Variants in SLC24A3 observed in about 807,000 individuals in gnomAD.
SLC24A3 encodes the protein solute carrier family 24 member 3.
SLC24A3 carries 28 observed loss-of-function variants against 75.8 expected under a neutral mutation model. The ratio of observed to expected loss-of-function variants is 0.37; its 90% CI spans 0.27 to 0.51. SLC24A3 has a LOEUF of 0.51. Ranked by LOEUF, SLC24A3 falls within the 20% of genes least tolerant of loss-of-function variation. SLC24A3 has a pLI of 0.94. For synonymous variants in SLC24A3, 372 were observed against 334.1 expected, an observed-to-expected ratio of 1.11 and a Z score of -1.24; for missense variants, 663 against 847.8, an observed-to-expected ratio of 0.78 and a Z score of 2.71.
intron 15 of SLC24A3, among the ~76,000 whole-genome samples, chr20:19,711,380 G>A (rs2328442): frequency 0.69 from 102,419 of 148,968 alleles, 35,095 homozygotes; most frequent in East Asian, 0.94. Context: ...GCAAGCAAAC[G>A]CACACATATC....
At chr20:19,606,891 G>C (rs897987375) in intron 6 of SLC24A3, among the ~76,000 whole-genome samples, 2 of 152,180 alleles carry the variant, frequency 1.3e-5, no homozygotes, top group Admixed American at 1.3e-4. Flanking sequence ...GGTCATTCCA[G>C]TGTATATGTG....
At chr20:19,250,003 T>C (rs552082655) in intron 1 of SLC24A3, among the ~76,000 whole-genome samples, 2 of 152,266 alleles carry the variant, frequency 1.3e-5, no homozygotes, top group Admixed American at 6.5e-5. Context: ...AAGGCCATCT[T>C]TCCTATTTGC....
chr20:19,545,885 C>A (rs181427077), intron 3 of SLC24A3, among the ~76,000 whole-genome samples: 1 of 152,214 alleles, frequency 6.6e-6, no homozygotes, highest in African/African-American at 2.4e-5. Context: ...ACCGGCCAGG[C>A]ATGGTGGCTC....
chr20:19,377,981 C>A (rs189909989), intron 2 of SLC24A3, among the ~76,000 whole-genome samples: 1 of 152,128 alleles, frequency 6.6e-6, no homozygotes, highest in African/African-American at 2.4e-5. Context: ...CAGTGACAGC[C>A]GAGGAGCTTT....
At chr20:19,715,120 C>T (rs2033031049) in intron 15 of SLC24A3, among the ~76,000 whole-genome samples, 1 of 152,232 alleles carries the variant, frequency 6.6e-6, no homozygotes, top group South Asian at 2.1e-4. Context: ...GCCTCTTCCT[C>T]TCTCCTAGGG....
intron 11 of SLC24A3, 65 bp downstream of exon 11, chr20:19,684,401 G>A (rs982550964): frequency 6.6e-7 from 1 of 1,515,092 alleles, no homozygotes; most frequent in Non-Finnish European, 8.9e-7. Context: ...AAGGAGAGAA[G>A]GTTTCTTGTT....
At chr20:19,661,777 G>A (rs932113391) in intron 7 of SLC24A3, among the ~76,000 whole-genome samples, 1 of 152,110 alleles carries the variant, frequency 6.6e-6, no homozygotes, top group Non-Finnish European at 1.5e-5. Context: ...CTGCCTCCCA[G>A]CTCAGCCAGC....
At chr20:19,488,597 T>C (rs1988161811) in intron 2 of SLC24A3, among the ~76,000 whole-genome samples, 2 of 152,172 alleles carry the variant, frequency 1.3e-5, no homozygotes, top group Non-Finnish European at 2.9e-5. Context: ...AGTTGGAAAA[T>C]TGGCCAAACT....
intron 6 of SLC24A3, among the ~76,000 whole-genome samples, chr20:19,642,736 C>T (rs1270896538): frequency 6.6e-6 from 1 of 152,162 alleles, no homozygotes; most frequent in African/African-American, 2.4e-5. Context: ...ATAACATAAC[C>T]TCCCCCTATG....
chr20:19,609,527 C>T (rs754508483), intron 6 of SLC24A3, among the ~76,000 whole-genome samples: 8 of 152,016 alleles, frequency 5.3e-5, no homozygotes, highest in Non-Finnish European at 7.4e-5. Context: ...TTTTAAGCCC[C>T]GCATGCATTA....
Position 19,720,623 on chromosome 20 carries a change from C to G in SLC24A3, c.1786-368C>G, listed in dbSNP as rs942614835. Among the ~76,000 whole-genome samples, 11 of 152,120 alleles carry G rather than the reference C, an allele frequency of 7.2e-5. 1 individual carries two copies. Among genetic ancestry groups the G allele is most frequent in the Admixed American group, 2.0e-4 (3 of 15,284 alleles). The stretch of plus-strand genomic sequence containing the variant: ...CCTGAGGACTGAGGGGTCAGTGTCC[C>G]CAGGGGAGTGGGGGCCTGCTTAAAG... On this transcript the variant is annotated intron_variant, in intron 16 of 16. Transcript: ENST00000328041.
intron 3 of SLC24A3, among the ~76,000 whole-genome samples, chr20:19,534,703 C>A (rs2030365605): frequency 6.6e-6 from 1 of 152,142 alleles, no homozygotes; most frequent in Non-Finnish European, 1.5e-5. Context: ...CCATGCCTGG[C>A]CCCAAAAAGT....
intron 6 of SLC24A3, among the ~76,000 whole-genome samples, chr20:19,599,416 C>T (rs2031496768): frequency 6.6e-6 from 1 of 152,114 alleles, no homozygotes; most frequent in African/African-American, 2.4e-5. Flanking sequence ...GTGATGCGGT[C>T]CCTCCCGCGC....
chr20:19,256,507 G>A (rs372510859), intron 1 of SLC24A3, among the ~76,000 whole-genome samples: 2 of 152,120 alleles, frequency 1.3e-5, no homozygotes, highest in African/African-American at 4.8e-5. Flanking sequence ...AGTGGCTCAC[G>A]CTTGTAATTC....
intron 6 of SLC24A3, among the ~76,000 whole-genome samples, chr20:19,618,590 G>T (rs532747459): frequency 2.6e-5 from 4 of 152,282 alleles, no homozygotes; most frequent in African/African-American, 7.2e-5. Context: ...TGAATGTTGG[G>T]GGAGAGAGAA....
chr20:19,601,798 G>A lies in SLC24A3; in HGVS notation c.612+16254G>A, dbSNP rs140137647. Among the ~76,000 whole-genome samples, 7 of 152,296 alleles carry A rather than the reference G, an allele frequency of 4.6e-5. No homozygotes were observed. In the East Asian group the frequency reaches 1.4e-3, roughly 29 times the overall value. On this transcript the variant is annotated intron_variant, in intron 6 of 16. Coordinates refer to ENST00000328041, the MANE Select transcript of SLC24A3 (RefSeq NM_020689.4). ...CAGTGCTGGTGTTTTCCATAAAAGA[G>A]GGGTGTAAGTTAATGTTTAAGACTC...
chr20:19,348,576 CA>C lies in SLC24A3; in HGVS notation c.271+67491del, dbSNP rs1418086837. On this transcript the variant is annotated intron_variant, in intron 2 of 16. Transcript: ENST00000328041. Reference sequence around the variant, plus strand: ...CTGCTGCCACCCCAGTTCCAGCCCCCAATGCCTAATAACATCCTGATAGATC... The same window carrying C: ...CTGCTGCCACCCCAGTTCCAGCCCCCATGCCTAATAACATCCTGATAGATC... Among the ~76,000 whole-genome samples the C allele has an allele frequency of 5.9e-5, 9 of 152,270 alleles. No individual in the cohort carries two copies. The South Asian group carries it at 1.7e-3, about 28-fold the overall frequency.
At chr20:19,444,131 T>A (rs1360840966) in intron 2 of SLC24A3, among the ~76,000 whole-genome samples, 2 of 152,238 alleles carry the variant, frequency 1.3e-5, no homozygotes, top group African/African-American at 4.8e-5. Context: ...TGTGATTAAT[T>A]ACATTAATTG....
intron 6 of SLC24A3, among the ~76,000 whole-genome samples, chr20:19,653,151 A>C (rs1227473335): frequency 1.3e-5 from 2 of 152,200 alleles, no homozygotes; most frequent in Non-Finnish European, 2.9e-5. Flanking sequence ...CTTTCTCCAG[A>C]ACAGAAGCCT....
Sources: gnomAD v4.1 joint callset for allele counts (sites outside exome capture counted in the v4.1 genomes callset) on GRCh38, gnomAD v4.1.1 for gene constraint, MANE v1.5 for transcripts, NCBI Gene and HGNC (gene_info 2026-07-23, HGNC 2026-07-21) for gene names.